The following GRIK2 variants were observed in gnomAD, a reference collection of about 807,000 sequenced individuals.
The protein encoded by GRIK2 is glutamate receptor ionotropic, kainate 2.
GRIK2 carries 32 observed loss-of-function variants against 100.3 expected under a neutral mutation model. That is an observed-to-expected ratio of 0.32 (90% CI 0.24 to 0.43). GRIK2 has a LOEUF of 0.43. Ranked by LOEUF, GRIK2 falls within the 20% of genes least tolerant of loss-of-function variation. The pLI is 1.00. For missense variants in GRIK2, 843 were observed against 1,114.9 expected, an observed-to-expected ratio of 0.76 and a Z score of 3.47; for synonymous variants, 417 against 389.4, an observed-to-expected ratio of 1.07 and a Z score of -0.83.
intron 12 of GRIK2, among the ~76,000 whole-genome samples, chr6:101,907,939 T>C (rs1788354963): frequency 1.3e-5 from 2 of 151,590 alleles, no homozygotes; most frequent in South Asian, 4.1e-4. Flanking sequence ...CTTTGGAATT[T>C]TCTTCCTCCT....
chr6:101,708,375 CATT>C (rs1246627030), intron 7 of GRIK2, among the ~76,000 whole-genome samples: 1 of 151,562 alleles, frequency 6.6e-6, no homozygotes, highest in Non-Finnish European at 1.5e-5. Flanking sequence ...TGTGATACTA[CATT>C]ATTATTTTAA....
In GRIK2 at chr6:101,921,237, G is replaced by GC. The variant is rs199705889; in HGVS notation, c.1749-3363dup. ...TGCAATTGTTCATTTAAGGATGCTG[G>GC]CAGGTGATGGTATTAACAGAGATAA... On this transcript the variant is annotated intron_variant, in intron 12 of 16. Transcript: ENST00000369134. Among the ~76,000 whole-genome samples the GC allele has an allele frequency of 6.3e-4, 95 of 151,512 alleles. No individual in the cohort carries two copies. The East Asian group carries it at 0.017, about 27-fold the overall frequency.
chr6:101,988,483 TG>T (rs1458676668), intron 14 of GRIK2, among the ~76,000 whole-genome samples: 2 of 151,814 alleles, frequency 1.3e-5, no homozygotes, highest in African/African-American at 4.8e-5. Flanking sequence ...ATATTAGCTC[TG>T]GGGCTGCACT....
In GRIK2 at chr6:101,478,727, T is replaced by C. The variant is rs562260218; in HGVS notation, c.115+79335T>C. ...TTTTAGTAAAGACGGGGTTTCACCG[T>C]GTTAGCCAGGATGGTCTCGATCTCC... On this transcript the variant is annotated intron_variant, in intron 2 of 16. Transcript: ENST00000369134. Among the ~76,000 whole-genome samples, 7 of 152,122 alleles carry C rather than the reference T, an allele frequency of 4.6e-5. No individual in the cohort carries two copies. In the East Asian group the frequency reaches 1.4e-3, roughly 29 times the overall value.
At chr6:101,503,598 C>T (rs1027992086) in intron 2 of GRIK2, among the ~76,000 whole-genome samples, 1 of 152,070 alleles carries the variant, frequency 6.6e-6, no homozygotes, top group Non-Finnish European at 1.5e-5. Flanking sequence ...TGACATTCTT[C>T]TGGATGTTTT....
chr6:101,753,561 A>G (rs1266986454), intron 7 of GRIK2, among the ~76,000 whole-genome samples: 1 of 152,086 alleles, frequency 6.6e-6, no homozygotes, highest in East Asian at 1.9e-4. Context: ...GTTTCCAGAT[A>G]TACTTAAGAA....
chr6:101,793,963 A>T (rs1253039666), intron 7 of GRIK2, among the ~76,000 whole-genome samples: 9 of 151,784 alleles, frequency 5.9e-5, no homozygotes, highest in Non-Finnish European at 1.0e-4. Flanking sequence ...TTGATCTCAG[A>T]CTTCTGTGCT....
At chr6:101,820,499 G>A (rs1292030219) in intron 10 of GRIK2, among the ~76,000 whole-genome samples, 1 of 152,118 alleles carries the variant, frequency 6.6e-6, no homozygotes, top group Non-Finnish European at 1.5e-5. Context: ...AGTCTGGAGT[G>A]CAGACTCATG....
chr6:101,465,085 G>C (rs2518232), intron 2 of GRIK2, among the ~76,000 whole-genome samples: 33,083 of 151,942 alleles, frequency 0.22, 4,152 homozygotes, highest in East Asian at 0.3. Flanking sequence ...ACTTTCCTTG[G>C]ATAATTTTTT....
chr6:101,773,970 A>G (rs1460116941), intron 7 of GRIK2, among the ~76,000 whole-genome samples: 1 of 152,222 alleles, frequency 6.6e-6, no homozygotes, highest in Non-Finnish European at 1.5e-5. Flanking sequence ...ATAAAAAGTC[A>G]TAAAAGATGC....
chr6:101,642,163 G>C (rs138685776), intron 4 of GRIK2, among the ~76,000 whole-genome samples: 30 of 151,820 alleles, frequency 2.0e-4, no homozygotes, highest in African/African-American at 7.0e-4. Context: ...TCAGAGTAGA[G>C]ACACTTAAAC....
intron 10 of GRIK2, among the ~76,000 whole-genome samples, chr6:101,829,259 C>T (rs1782525376): frequency 6.6e-6 from 1 of 151,582 alleles, no homozygotes; most frequent in African/African-American, 2.4e-5. Context: ...GAAATAAGAA[C>T]TGTCAATGCT....
chr6:101,731,154 A>G (rs1775241162), intron 7 of GRIK2, among the ~76,000 whole-genome samples: 1 of 152,018 alleles, frequency 6.6e-6, no homozygotes, highest in South Asian at 2.1e-4. Flanking sequence ...TTTAGGAAGG[A>G]ATACATTTAA....
chr6:101,838,359 G>A (rs963641693), intron 10 of GRIK2, among the ~76,000 whole-genome samples: 1 of 152,014 alleles, frequency 6.6e-6, no homozygotes, highest in Non-Finnish European at 1.5e-5. Context: ...ATCTAGTGAT[G>A]GGTGAAAAAA....
At chr6:101,895,075 TA>T (rs1787353822) in intron 12 of GRIK2, among the ~76,000 whole-genome samples, 1 of 151,770 alleles carries the variant, frequency 6.6e-6, no homozygotes, top group South Asian at 2.1e-4. Context: ...TACTATTACA[TA>T]AAAATGCATT....
At chr6:101,931,813 T>C (rs917453228) in intron 14 of GRIK2, among the ~76,000 whole-genome samples, 2 of 152,264 alleles carry the variant, frequency 1.3e-5, no homozygotes, top group African/African-American at 4.8e-5. Flanking sequence ...CACCAATATG[T>C]TCTTAATCAT....
chr6:101,943,170 C>T (rs757067456), intron 14 of GRIK2, among the ~76,000 whole-genome samples: 1 of 152,160 alleles, frequency 6.6e-6, no homozygotes, highest in Non-Finnish European at 1.5e-5. Context: ...AGAGTGCAAG[C>T]CCCAAACCTT....
At chr6:102,006,390 A>ATATATATATATATATATATTTTT (rs1315524835) in intron 14 of GRIK2, among the ~76,000 whole-genome samples, 1 of 114,104 alleles carries the variant, frequency 8.8e-6, no homozygotes, top group African/African-American at 4.6e-5. Flanking sequence ...ATATATATAT[A>ATATATATATATATATATATTTTT]TTTTTTTTTT....
At chr6:101,870,546 A>G (rs1443025160) in intron 11 of GRIK2, among the ~76,000 whole-genome samples, 2 of 151,858 alleles carry the variant, frequency 1.3e-5, no homozygotes, top group African/African-American at 4.8e-5. Flanking sequence ...ACTTGCCACA[A>G]TGCTTTACAC....
Sources: allele counts gnomAD v4.1 joint callset (sites outside exome capture counted in the v4.1 genomes callset), GRCh38; gene constraint gnomAD v4.1.1; transcripts MANE v1.5; gene names NCBI Gene and HGNC (gene_info 2026-07-23, HGNC 2026-07-21).